MCF2: variants seen among roughly 807,000 people sequenced by gnomAD.
The protein encoded by MCF2 is proto-oncogene DBL.
In MCF2, 44 loss-of-function variants were observed where a neutral mutation model predicts 82.5. That is an observed-to-expected ratio of 0.53 (90% CI 0.42 to 0.69). The LOEUF (loss-of-function observed/expected upper bound fraction) is 0.69, where lower values mean the gene tolerates loss of function less well. Among genes scored for constraint, MCF2 ranks in the 30% least tolerant of loss-of-function variants. The probability of loss-of-function intolerance (pLI) is 0.00; values close to 1 mark genes in which losing one functional copy is unlikely to be tolerated. For synonymous variants in MCF2, 217 were observed against 224.9 expected (o/e 0.96, Z 0.32); for missense variants, 623 against 663.1 (o/e 0.94, Z 0.66).
chrX:139,685,193 T>C (rs1375718573), intron 1 of MCF2, among the ~76,000 whole-genome samples: 1 of 110,404 alleles, frequency 9.1e-6, no homozygotes, highest in Non-Finnish European at 1.9e-5. Flanking sequence ...ATATCCAAAT[T>C]GGAAAAGAGG....
At chrX:139,587,081 AATG>A (rs1911950080) in intron 22 of MCF2, among the ~76,000 whole-genome samples, 1 of 112,028 alleles carries the variant, frequency 8.9e-6, no homozygotes, top group Non-Finnish European at 1.9e-5. Flanking sequence ...TAAGTCATTC[AATG>A]ATCACCACAG....
intron 1 of MCF2, among the ~76,000 whole-genome samples, chrX:139,695,767 C>T (rs936996086): frequency 6.2e-5 from 7 of 112,226 alleles, no homozygotes; most frequent in African/African-American, 1.9e-4. Flanking sequence ...GTTTGCAGGT[C>T]TATCACTCAG....
chrX:139,663,971 T>C (rs900434977), intron 1 of MCF2, among the ~76,000 whole-genome samples: 47 of 111,111 alleles, frequency 4.2e-4, no homozygotes, highest in African/African-American at 1.5e-3. Context: ...TACTGTTTGT[T>C]TTTTGGGGTG....
At chrX:139,656,094 C>T (rs1934188415) in intron 1 of MCF2, among the ~76,000 whole-genome samples, 1 of 112,165 alleles carries the variant, frequency 8.9e-6, no homozygotes, top group South Asian at 3.7e-4. Flanking sequence ...CGGAGTCTCG[C>T]TCTGTCACCC....
At chrX:139,635,071 C>A (rs751419864) in intron 1 of MCF2, among the ~76,000 whole-genome samples, 14 of 111,386 alleles carry the variant, frequency 1.3e-4, no homozygotes, top group Non-Finnish European at 1.3e-4. Flanking sequence ...GAGACCTCAT[C>A]TTTTTAAAAA....
chrX:139,628,774 C>T (rs1392504309), intron 4 of MCF2, among the ~76,000 whole-genome samples: 1 of 111,950 alleles, frequency 8.9e-6, no homozygotes, highest in East Asian at 2.8e-4. Context: ...TATTCTTAAA[C>T]TTTCTGAAGA....
At chrX:139,694,641 C>G (rs1935345013) in intron 1 of MCF2, among the ~76,000 whole-genome samples, 1 of 111,713 alleles carries the variant, frequency 9.0e-6, no homozygotes, top group Non-Finnish European at 1.9e-5. Context: ...TTAAAATATA[C>G]ATACCCTTTA....
intron 14 of MCF2, 25 bp from the exon 19 acceptor site, chrX:139,604,775 A>G: frequency 8.7e-7 from 1 of 1,145,277 alleles, no homozygotes. Flanking sequence ...GAGAAAAAAA[A>G]TTGCATGATT....
intron 1 of MCF2, among the ~76,000 whole-genome samples, chrX:139,674,305 C>T (rs769260670): frequency 9.4e-4 from 105 of 111,782 alleles, no homozygotes; most frequent in African/African-American, 3.4e-3. Context: ...TTAATTGGAG[C>T]ATTTAGCCCA....
At chrX:139,646,748 G>A, upstream of MCF2, 2 of 687,599 alleles carry the variant, frequency 2.9e-6, no homozygotes, top group Non-Finnish European at 4.3e-6. Flanking sequence ...ATGGATATCT[G>A]ATATAAAGCG....
At chrX:139,663,542 C>A (rs1934414576) in intron 1 of MCF2, among the ~76,000 whole-genome samples, 1 of 107,641 alleles carries the variant, frequency 9.3e-6, no homozygotes, top group African/African-American at 3.4e-5. Context: ...TTTAATCACC[C>A]AGGTTTTAAG....
chrX:139,648,546 TTTAA>T (rs1933885571), intron 2 of MCF2, among the ~76,000 whole-genome samples: 2 of 111,974 alleles, frequency 1.8e-5, no homozygotes, highest in African/African-American at 6.5e-5. Flanking sequence ...AGATGGTAGA[TTTAA>T]ATCCATCCAT....
intron 20 of MCF2, among the ~76,000 whole-genome samples, chrX:139,589,315 A>T (rs910828345): frequency 8.9e-6 from 1 of 112,382 alleles, no homozygotes; most frequent in Admixed American, 9.4e-5. Context: ...CAGCACATTG[A>T]CAACTCCAGA....
intron 6 of MCF2, among the ~76,000 whole-genome samples, chrX:139,622,768 T>C (rs1331879892): frequency 1.8e-5 from 2 of 109,877 alleles, no homozygotes; most frequent in Non-Finnish European, 3.8e-5. Context: ...CATTAGGAGA[T>C]ATACCTAATG....
chrX:139,692,995 G>C (rs963508110), intron 1 of MCF2, among the ~76,000 whole-genome samples: 1 of 112,070 alleles, frequency 8.9e-6, no homozygotes, highest in South Asian at 3.7e-4. Context: ...GAGAGGACAC[G>C]AGAAAACGGA....
intron 6 of MCF2, among the ~76,000 whole-genome samples, chrX:139,624,596 T>A (rs1346115052): frequency 9.2e-6 from 1 of 109,069 alleles, no homozygotes; most frequent in East Asian, 2.9e-4. Context: ...AGAAAGGCTG[T>A]GGAAATGTTC....
chrX:139,664,017 T>C (rs184100081), intron 1 of MCF2, among the ~76,000 whole-genome samples: 2 of 111,070 alleles, frequency 1.8e-5, no homozygotes, highest in African/African-American at 3.3e-5. Flanking sequence ...TTTGTTTTTG[T>C]TTTTTGAGGC....
In MCF2 at chrX:139,631,484, A is replaced by G. The variant is rs778024413; in HGVS notation, c.199T>C (p.Leu67=). The G allele has an allele frequency of 1.3e-5, 15 of 1,199,661 alleles. No homozygotes were observed. In the African/African-American group the frequency reaches 2.1e-4, roughly 17 times the overall value. The stretch of plus-strand genomic sequence containing the variant: ...TGCTTGTCATCAATGTATGTCAGCA[A>G]ATCACTAACTGAGCTCAGCATAACA... Residue 67 remains leucine, a synonymous_variant, in exon 3 of 25, where the codon TTG becomes CTG. Transcript: ENST00000370576.
chrX:139,645,254 A>AAAAT (rs966323684), upstream of MCF2, among the ~76,000 whole-genome samples: 1 of 110,831 alleles, frequency 9.0e-6, no homozygotes, highest in East Asian at 2.8e-4. Flanking sequence ...TATTTCCACC[A>AAAAT]AAATAAATAA....
Sources: allele counts gnomAD v4.1 joint callset (sites outside exome capture counted in the v4.1 genomes callset), GRCh38; gene constraint gnomAD v4.1.1; transcripts MANE v1.5; gene names NCBI Gene and HGNC (gene_info 2026-07-23, HGNC 2026-07-21).